Variants in KCNQ1 observed in about 807,000 individuals in gnomAD.
KCNQ1 encodes the protein potassium voltage-gated channel subfamily Q member 1.
A neutral mutation model predicts 72.4 loss-of-function variants in KCNQ1; 49 were observed. The ratio of observed to expected loss-of-function variants is 0.68; its 90% CI spans 0.54 to 0.86. KCNQ1 has a LOEUF of 0.86. Among genes scored for constraint, KCNQ1 ranks in the 40% least tolerant of loss-of-function variants. The probability of loss-of-function intolerance (pLI) is 0.00; values close to 1 mark genes in which losing one functional copy is unlikely to be tolerated. For missense variants in KCNQ1, 790 were observed against 945.1 expected (o/e 0.84, Z 2.15); for synonymous variants, 450 against 412.6 (o/e 1.09, Z -1.10).
At chr11:2,467,299 G>A (rs2133591075) in intron 1 of KCNQ1, among the ~76,000 whole-genome samples, 2 of 152,324 alleles carry the variant, frequency 1.3e-5, no homozygotes, top group South Asian at 4.1e-4. Flanking sequence ...CCGGCAGGGA[G>A]GCAGGGGCCC....
rs1022743345 is a variant in KCNQ1, at chr11:2,563,255, C to T, written c.478-7373C>T. ...AAAACAATAGATAAGATGGCCAGGTCGACCTTCAGCCTTCTCGGAGAACAC... is the reference window on the plus strand; with the variant it reads ...AAAACAATAGATAAGATGGCCAGGTTGACCTTCAGCCTTCTCGGAGAACAC... On this transcript the variant is annotated intron_variant, in intron 2 of 15. Coordinates refer to ENST00000155840, the MANE Select transcript of KCNQ1 (RefSeq NM_000218.3). The surrounding 1 kb of genome is among the most constrained non-coding windows in gnomAD (Gnocchi z 7.4). 2.6e-5 allele frequency among the ~76,000 whole-genome samples: 4 copies of T among 152,184 alleles called. No individual in the cohort carries two copies. The highest frequency in any genetic ancestry group is 6.5e-5 in the Admixed American group (1 of 15,286).
At chr11:2,542,986 C>T (rs1326465596) in intron 2 of KCNQ1, among the ~76,000 whole-genome samples, 1 of 152,012 alleles carries the variant, frequency 6.6e-6, no homozygotes, top group East Asian at 1.9e-4. Context: ...CAACCCTTGA[C>T]GTGGTCCGTC....
intron 2 of KCNQ1, among the ~76,000 whole-genome samples, chr11:2,557,825 A>C (rs1848095027): frequency 6.6e-6 from 1 of 152,242 alleles, no homozygotes; most frequent in Non-Finnish European, 1.5e-5. Context: ...AAAGAACTTC[A>C]TAGGACTGTG....
At chr11:2,644,439 A>G (rs1849634790) in intron 10 of KCNQ1, 3 of 398,236 alleles carry the variant, frequency 7.5e-6, no homozygotes, top group East Asian at 3.6e-5. Flanking sequence ...TTCTTTTTAT[A>G]TCTATCTCTT....
chr11:2,677,562 A>G lies in KCNQ1; in HGVS notation c.1514+15481A>G, dbSNP rs147507739. On this transcript the variant is annotated intron_variant, in intron 11 of 15. Coordinates refer to ENST00000155840, the MANE Select transcript of KCNQ1 (RefSeq NM_000218.3). This position sits in a 1 kb window ranked among gnomAD's most constrained non-coding sequence, Gnocchi z 4.5. ...ATAAAAGATGCCCTCAGATGTTACCATATAATGCTTTACAAAAGACAAACC... is the reference window on the plus strand; with the variant it reads ...ATAAAAGATGCCCTCAGATGTTACCGTATAATGCTTTACAAAAGACAAACC... The G allele has an allele frequency of 1.6e-3, 631 of 398,644 alleles. 1 individual carries two copies. Among genetic ancestry groups the G allele is most frequent in the African/African-American group, 0.012 (567 of 48,754 alleles). The allele number at this position is 398,644 out of a possible 1,614,324, so 24.7% of individuals were successfully genotyped here. A position where few individuals can be genotyped will look rare whatever the true frequency, so the allele number is the denominator to read the frequency against.
chr11:2,838,361 G>A (rs1190799897), intron 15 of KCNQ1, among the ~76,000 whole-genome samples: 1 of 152,182 alleles, frequency 6.6e-6, no homozygotes, highest in African/African-American at 2.4e-5. Context: ...CCGGGAAGCA[G>A]GCTGCAGAGT....
intron 11 of KCNQ1, among the ~76,000 whole-genome samples, chr11:2,755,752 A>T (rs1445104379): frequency 6.6e-6 from 1 of 152,258 alleles, no homozygotes; most frequent in African/African-American, 2.4e-5. Context: ...GATATTCACA[A>T]TACAATGAAT....
At chr11:2,747,219 A>G (rs1270154298) in intron 11 of KCNQ1, among the ~76,000 whole-genome samples, 1 of 152,286 alleles carries the variant, frequency 6.6e-6, no homozygotes, top group Non-Finnish European at 1.5e-5. Flanking sequence ...CGCCTTAGAA[A>G]GAAATTACCG....
intron 10 of KCNQ1, chr11:2,630,917 G>T (rs1217447115): frequency 2.5e-6 from 1 of 398,338 alleles, no homozygotes. Context: ...TTGTTTCCTG[G>T]CCTGGAAAGT....
chr11:2,768,962 G>T lies in KCNQ1; in HGVS notation c.1590+43G>T, dbSNP rs142771438. 1.4e-5 allele frequency: 20 copies of T among 1,449,826 alleles called. No individual in the cohort carries two copies. Among genetic ancestry groups the T allele is most frequent in the Non-Finnish European group, 1.9e-5 (20 of 1,031,296 alleles). 89.8% of individuals were successfully genotyped at this position (1,449,826 alleles called of 1,614,324 possible). A position where few individuals can be genotyped will look rare whatever the true frequency, so the allele number is the denominator to read the frequency against. ...CCTTCCTGCCCTCAGCCTGCCCCTC[G>T]CAGCCTGATGCAGCTGCCCACACCT... On this transcript the variant is annotated intron_variant, in intron 12 of 15. Transcript: ENST00000155840. This position sits in a 1 kb window ranked among gnomAD's most constrained non-coding sequence, Gnocchi z 6.7.
chr11:2,632,732 G>A (rs572066143), intron 10 of KCNQ1: 3 of 398,338 alleles, frequency 7.5e-6, no homozygotes, highest in Non-Finnish European at 1.3e-5. Context: ...GTTCATCCAT[G>A]TTGCTGTGAA....
At chr11:2,758,628 C>T (rs1026631606) in intron 11 of KCNQ1, among the ~76,000 whole-genome samples, 1 of 152,194 alleles carries the variant, frequency 6.6e-6, no homozygotes, top group African/African-American at 2.4e-5. Flanking sequence ...AGCTTTATTC[C>T]TAACTAGCTG....
rs565538373 is a variant in KCNQ1 at position 2,761,996 on chromosome 11, G to A, written c.1515-6848G>A. 2.2e-4 allele frequency among the ~76,000 whole-genome samples: 34 copies of A among 152,356 alleles called. No homozygotes were observed. In the South Asian group the frequency reaches 6.0e-3, roughly 27 times the overall value. ...GAGTGTTCTCACTGGATGTGGGGCC[G>A]CATCCAGACCTTGGCGGTCATGGCC... On this transcript the variant is annotated intron_variant, in intron 11 of 15. Coordinates refer to ENST00000155840, the MANE Select transcript of KCNQ1 (RefSeq NM_000218.3).
rs569311988 is a variant in KCNQ1 at position 2,595,076 on chromosome 11, T to C, written c.1393+6222T>C. On this transcript the variant is annotated intron_variant, in intron 10 of 15. Coordinates refer to ENST00000155840, the MANE Select transcript of KCNQ1 (RefSeq NM_000218.3). The surrounding 1 kb of genome is among the most constrained non-coding windows in gnomAD (Gnocchi z 5.0). ...TCCAGGACCTTCATGATCCATGTTT[T>C]AGATATGGGATCTTCTAGACAACCT... 2.6e-5 allele frequency among the ~76,000 whole-genome samples: 4 copies of C among 152,344 alleles called. No individual in the cohort carries two copies. Among genetic ancestry groups the C allele is most frequent in the African/African-American group, 7.2e-5 (3 of 41,574 alleles).
chr11:2,501,666 C>G (rs1847011354), intron 1 of KCNQ1, among the ~76,000 whole-genome samples: 1 of 142,252 alleles, frequency 7.0e-6, no homozygotes, highest in Admixed American at 7.3e-5. Flanking sequence ...TACCTCCAAA[C>G]TCATCTACAA....
In KCNQ1 at chr11:2,446,085, A is replaced by G. The variant is rs1846032519; in HGVS notation, c.386+601A>G. ...ACCTGGCTTGATGCAGAGAGCGGAGAGGCACGTTTGCAGCTCTCACTAAGA... is the reference window on the plus strand; with the variant it reads ...ACCTGGCTTGATGCAGAGAGCGGAGGGGCACGTTTGCAGCTCTCACTAAGA... On this transcript the variant is annotated intron_variant, in intron 1 of 15. Coordinates refer to ENST00000155840, the MANE Select transcript of KCNQ1 (RefSeq NM_000218.3). The surrounding 1 kb of genome is among the most constrained non-coding windows in gnomAD (Gnocchi z 8.8). Among the ~76,000 whole-genome samples the G allele has an allele frequency of 6.6e-6, 1 of 152,140 alleles. No individual in the cohort carries two copies. Among genetic ancestry groups the G allele is most frequent in the Non-Finnish European group, 1.5e-5 (1 of 68,018 alleles).
chr11:2,772,386 T>A lies in KCNQ1; in HGVS notation c.1590+3467T>A, dbSNP rs1028290730. ...CTTCAAGTGTGCCTTGAACTCCCTG[T>A]CCACCATCAGTCAGTCTGGACAGGC... is the stretch of plus-strand genomic sequence containing the variant. On this transcript the variant is annotated intron_variant, in intron 12 of 15. Transcript: ENST00000155840. The surrounding 1 kb of genome is among the most constrained non-coding windows in gnomAD (Gnocchi z 6.6). Among the ~76,000 whole-genome samples the A allele has an allele frequency of 1.3e-5, 2 of 152,062 alleles. No homozygotes were observed. Among genetic ancestry groups the A allele is most frequent in the African/African-American group, 4.8e-5 (2 of 41,424 alleles).
chr11:2,705,705 C>T (rs977505813), intron 11 of KCNQ1, among the ~76,000 whole-genome samples: 1 of 152,240 alleles, frequency 6.6e-6, no homozygotes, highest in African/African-American at 2.4e-5. Context: ...GACATTGCCA[C>T]AGCCAGGGCC....
intron 1 of KCNQ1, among the ~76,000 whole-genome samples, chr11:2,466,559 A>G (rs1296776501): frequency 2.0e-5 from 3 of 152,072 alleles, no homozygotes; most frequent in Non-Finnish European, 4.4e-5. Context: ...TATCACTGAC[A>G]TCTGCCCAGG....
Sources: allele counts gnomAD v4.1 joint callset (sites outside exome capture counted in the v4.1 genomes callset), GRCh38; gene constraint gnomAD v4.1.1; non-coding constraint Gnocchi (gnomAD v3.1); transcripts MANE v1.5; gene names NCBI Gene and HGNC (gene_info 2026-07-23, HGNC 2026-07-21).